The following CEP112 variants were observed in gnomAD, a reference collection of about 807,000 sequenced individuals.
The protein encoded by CEP112 is centrosomal protein of 112 kDa.
CEP112 carries 127 observed loss-of-function variants against 153.0 expected under a neutral mutation model. The ratio of observed to expected loss-of-function variants is 0.83; its 90% CI spans 0.72 to 0.96. CEP112 has a LOEUF of 0.96. Among genes scored for constraint, CEP112 ranks in the 40% least tolerant of loss-of-function variants. The pLI, the probability that CEP112 is intolerant of heterozygous loss-of-function variation, is 0.00. For synonymous variants in CEP112, 358 were observed against 374.4 expected, an observed-to-expected ratio of 0.96 and a Z score of 0.51; for missense variants, 1,089 against 1,101.2, an observed-to-expected ratio of 0.99 and a Z score of 0.16.
chr17:65,726,385 T>G (rs1037340716), intron 23 of CEP112, among the ~76,000 whole-genome samples: 1 of 151,908 alleles, frequency 6.6e-6, no homozygotes, highest in African/African-American at 2.4e-5. Context: ...CTCATGAAAG[T>G]GTAAGGTTCT....
intron 17 of CEP112, among the ~76,000 whole-genome samples, chr17:65,962,993 G>A (rs1034056087): frequency 6.6e-6 from 1 of 152,134 alleles, no homozygotes; most frequent in Non-Finnish European, 1.5e-5. Context: ...CAGTAAACCA[G>A]TATAAGAGTG....
chr17:66,154,003 GAAAAAAAA>G (rs59042292), intron 4 of CEP112, among the ~76,000 whole-genome samples: 1 of 134,340 alleles, frequency 7.4e-6, no homozygotes, highest in Admixed American at 7.5e-5. Flanking sequence ...TCTCTACTAA[GAAAAAAAA>G]AAAAAAAAAA....
intron 21 of CEP112, among the ~76,000 whole-genome samples, chr17:65,767,567 A>T (rs1255339569): frequency 2.0e-5 from 3 of 152,026 alleles, no homozygotes; most frequent in African/African-American, 4.8e-5. Context: ...ACCACAGGAA[A>T]AAAACAATAA....
chr17:65,834,136 C>G (rs1195520687), intron 21 of CEP112, among the ~76,000 whole-genome samples: 1 of 152,216 alleles, frequency 6.6e-6, no homozygotes. Flanking sequence ...GTTGGAATAA[C>G]TGGCTAGCCG....
intron 23 of CEP112, among the ~76,000 whole-genome samples, chr17:65,691,757 A>T (rs926393378): frequency 7.9e-5 from 12 of 152,096 alleles, no homozygotes; most frequent in Admixed American, 6.5e-5. Flanking sequence ...AGCTTCTTTT[A>T]TTGCATAATT....
chr17:65,877,631 A>G (rs1427108383), intron 20 of CEP112, among the ~76,000 whole-genome samples: 1 of 152,234 alleles, frequency 6.6e-6, no homozygotes, highest in Non-Finnish European at 1.5e-5. Context: ...GAAGCTCTTA[A>G]TAAGGTTCTT....
chr17:66,027,818 T>C (rs2065281018), intron 15 of CEP112, among the ~76,000 whole-genome samples: 1 of 152,068 alleles, frequency 6.6e-6, no homozygotes, highest in Admixed American at 6.5e-5. Flanking sequence ...CCCTTAGGAT[T>C]AAGAGATTAC....
At chr17:65,666,430 T>C (rs1443279531) in intron 24 of CEP112, among the ~76,000 whole-genome samples, 1 of 152,242 alleles carries the variant, frequency 6.6e-6, no homozygotes, top group African/African-American at 2.4e-5. Flanking sequence ...TGACTGACCC[T>C]GGTGTAATCT....
intron 23 of CEP112, among the ~76,000 whole-genome samples, chr17:65,706,076 AG>A (rs1332417881): frequency 6.6e-6 from 1 of 152,238 alleles, no homozygotes; most frequent in African/African-American, 2.4e-5. Flanking sequence ...AGCACACAGG[AG>A]TTCATAGTAC....
chr17:66,014,972 GTCATGGTGCCTGA>G (rs1401527415), intron 16 of CEP112, among the ~76,000 whole-genome samples: 1 of 152,142 alleles, frequency 6.6e-6, no homozygotes, highest in Non-Finnish European at 1.5e-5. Flanking sequence ...AACCCACTTG[GTCATGGTGCCTGA>G]TCACTTAATG....
At position 65,718,469 on chromosome 17, in the gene CEP112, CA is replaced by C. The variant is rs1326052298; in HGVS notation, c.2607+24598del. Among the ~76,000 whole-genome samples the C allele has an allele frequency of 3.3e-5, 5 of 151,780 alleles. 1 individual carries two copies. In the East Asian group the frequency reaches 7.7e-4, roughly 24 times the overall value. On this transcript the variant is annotated intron_variant, in intron 23 of 26. Coordinates refer to ENST00000535342, the MANE Select transcript of CEP112 (RefSeq NM_001199165.4). ...AATATAATCAATGATGGGGTTTTTGCAAAGTACCTCCTTCAACTCATCCCAT... is the reference window on the plus strand; with the variant it reads ...AATATAATCAATGATGGGGTTTTTGCAAGTACCTCCTTCAACTCATCCCAT...
intron 19 of CEP112, among the ~76,000 whole-genome samples, chr17:65,909,929 T>C (rs866557384): frequency 2.6e-5 from 4 of 152,172 alleles, no homozygotes; most frequent in African/African-American, 9.7e-5. Flanking sequence ...TCATTCACTT[T>C]TCCCCCTTCT....
intron 20 of CEP112, among the ~76,000 whole-genome samples, chr17:65,888,633 GGCAA>G (rs1444951908): frequency 6.6e-6 from 1 of 152,018 alleles, no homozygotes; most frequent in Non-Finnish European, 1.5e-5. Flanking sequence ...ACTTATTCAA[GGCAA>G]ATGCATTAAA....
chr17:65,680,775 G>A lies in CEP112; in HGVS notation c.2697+8354C>T, dbSNP rs180749268. The stretch of plus-strand genomic sequence containing the variant: ...TTGACTCACAGTTCTGCATGGCTGG[G>A]AGGCCTCAGAAAACTTACAATCATG... On this transcript the variant is annotated intron_variant, in intron 24 of 26. Coordinates refer to ENST00000535342, the MANE Select transcript of CEP112 (RefSeq NM_001199165.4). Among the ~76,000 whole-genome samples the A allele has an allele frequency of 1.1e-4, 17 of 152,328 alleles. 1 individual carries two copies. The East Asian group carries it at 2.9e-3, about 26-fold the overall frequency.
chr17:66,035,008 A>T (rs76994676), intron 12 of CEP112, among the ~76,000 whole-genome samples: 5,929 of 67,590 alleles, frequency 0.088, 324 homozygotes, highest in Middle Eastern at 0.17. Flanking sequence ...ATATATATAT[A>T]TTTTTTTTTT....
chr17:65,769,314 A>G (rs1220256168), intron 21 of CEP112, among the ~76,000 whole-genome samples: 1 of 152,062 alleles, frequency 6.6e-6, no homozygotes, highest in African/African-American at 2.4e-5. Context: ...GATTGGCAGA[A>G]TTAATATTTT....
At chr17:66,045,013 T>C (rs2145865600) in intron 12 of CEP112, among the ~76,000 whole-genome samples, 1 of 151,768 alleles carries the variant, frequency 6.6e-6, no homozygotes, top group Middle Eastern at 3.4e-3. Context: ...CCAAGAAATG[T>C]AAGAGCCAAA....
chr17:65,894,455 T>C (rs1227511841), intron 20 of CEP112, among the ~76,000 whole-genome samples: 4 of 152,110 alleles, frequency 2.6e-5, no homozygotes, highest in African/African-American at 9.7e-5. Context: ...TAAGTGGCTT[T>C]TATTGGATTC....
At chr17:65,667,234 T>A (rs891978487) in intron 24 of CEP112, among the ~76,000 whole-genome samples, 1 of 152,102 alleles carries the variant, frequency 6.6e-6, no homozygotes, top group African/African-American at 2.4e-5. Flanking sequence ...TTGAGGACAA[T>A]GATGGACCCA....
Sources: allele counts gnomAD v4.1 joint callset (sites outside exome capture counted in the v4.1 genomes callset), GRCh38; gene constraint gnomAD v4.1.1; transcripts MANE v1.5; gene names NCBI Gene and HGNC (gene_info 2026-07-23, HGNC 2026-07-21).